PRICKLE2: variants seen among roughly 807,000 people sequenced by gnomAD.
PRICKLE2 encodes the protein prickle planar cell polarity protein 2, also known as prickle-like protein 2.
PRICKLE2 carries 21 observed loss-of-function variants against 81.4 expected under a neutral mutation model. That is an observed-to-expected ratio of 0.26 (90% CI 0.18 to 0.37). The LOEUF is 0.37. Among genes scored for constraint, PRICKLE2 ranks in the 10% least tolerant of loss-of-function variants. PRICKLE2 has a pLI of 1.00. For synonymous variants in PRICKLE2, 456 were observed against 421.5 expected (o/e 1.08, Z -1.00); for missense variants, 940 against 1,109.0 (o/e 0.85, Z 2.16).
chr3:64,104,775 G>C (rs1398606684), intron 7 of PRICKLE2: 2 of 152,210 alleles, frequency 1.3e-5, no homozygotes, highest in Non-Finnish European at 2.9e-5. Context: ...GGTGGGACTG[G>C]AAATACTACC....
chr3:64,198,493 G>A (rs2078505436), intron 2 of PRICKLE2, among the ~76,000 whole-genome samples: 1 of 152,100 alleles, frequency 6.6e-6, no homozygotes. Flanking sequence ...AGAAATACAA[G>A]AGGCTGTATT....
At chr3:64,213,145 C>T (rs556589750) in intron 1 of PRICKLE2, among the ~76,000 whole-genome samples, 57 of 149,754 alleles carry the variant, frequency 3.8e-4, no homozygotes, top group Non-Finnish European at 5.8e-4. Context: ...GGCGCAATCT[C>T]GGCTCACTGC....
At chr3:64,114,495 G>A (rs1317764596) in intron 7 of PRICKLE2, among the ~76,000 whole-genome samples, 2 of 152,086 alleles carry the variant, frequency 1.3e-5, no homozygotes, top group Admixed American at 6.5e-5. Context: ...TGCAGGAGCT[G>A]ACAGACAAAA....
intron 1 of PRICKLE2, among the ~76,000 whole-genome samples, chr3:64,210,501 G>A (rs1282598179): frequency 6.6e-6 from 1 of 152,154 alleles, no homozygotes; most frequent in Non-Finnish European, 1.5e-5. Flanking sequence ...AGACCACACT[G>A]CCTGGTCCTA....
chr3:64,094,222 T>C lies in PRICKLE2; in HGVS notation c.*4829A>G, dbSNP rs1309263081. 2 of 152,236 alleles carry C rather than the reference T, an allele frequency of 1.3e-5. No individual in the cohort carries two copies. The highest frequency in any genetic ancestry group is 2.4e-5 in the African/African-American group (1 of 41,462). The allele number at this position is 152,236 out of a possible 1,614,324, so 9.4% of individuals were successfully genotyped here. On this transcript the variant is annotated 3_prime_UTR_variant, in exon 8 of 8. Transcript: ENST00000638394. ...AATTAATTAAAAAATGGAGGACTCA[T>C]AGTCCTTACAATGTTAAGTCAGGGT...
intron 4 of PRICKLE2, among the ~76,000 whole-genome samples, chr3:64,158,746 G>A (rs770477688): frequency 6.6e-6 from 1 of 152,090 alleles, no homozygotes; most frequent in Non-Finnish European, 1.5e-5. Flanking sequence ...TTAAGGGTGG[G>A]TCCCAGATAT....
At chr3:64,149,127 C>T (rs117917289) in intron 6 of PRICKLE2, among the ~76,000 whole-genome samples, 387 of 152,262 alleles carry the variant, frequency 2.5e-3, no homozygotes, top group East Asian at 0.018. Context: ...GGCCACACTG[C>T]GTACTAAGGG....
chr3:64,192,040 C>A (rs1300410449), intron 2 of PRICKLE2, among the ~76,000 whole-genome samples: 2 of 152,246 alleles, frequency 1.3e-5, no homozygotes, highest in Non-Finnish European at 2.9e-5. Context: ...GCAACCTAAG[C>A]AAACTCTGAA....
chr3:64,118,722 C>CAA (rs35091419), intron 7 of PRICKLE2, among the ~76,000 whole-genome samples: 11 of 151,348 alleles, frequency 7.3e-5, no homozygotes, highest in Admixed American at 3.3e-4. Context: ...CTTAAAAAGG[C>CAA]AAAAAAAATA....
intron 2 of PRICKLE2, among the ~76,000 whole-genome samples, chr3:64,167,377 C>T (rs1268599176): frequency 6.6e-6 from 1 of 152,096 alleles, no homozygotes; most frequent in Non-Finnish European, 1.5e-5. Flanking sequence ...ATAAAGGTGC[C>T]CTGTGATTCC....
chr3:64,257,084 C>T (rs1007679985), intron 2 of PRICKLE2, among the ~76,000 whole-genome samples: 1 of 152,180 alleles, frequency 6.6e-6, no homozygotes, highest in African/African-American at 2.4e-5. Flanking sequence ...TTCAACACAT[C>T]ATAGTAATGC....
intron 5 of PRICKLE2, chr3:64,154,496 A>C (rs2107028925): frequency 6.6e-6 from 1 of 152,212 alleles, no homozygotes; most frequent in South Asian, 2.1e-4. Context: ...CAGTGAGCTG[A>C]GATCGTGCCA....
At position 64,094,310 on chromosome 3, in the gene PRICKLE2, A is replaced by G. The variant is rs1216392646; in HGVS notation, c.*4741T>C. The G allele has an allele frequency of 1.3e-5, 2 of 152,254 alleles. No individual in the cohort carries two copies. The highest frequency in any genetic ancestry group is 4.8e-5 in the African/African-American group (2 of 41,464). 9.4% of individuals were successfully genotyped at this position (152,254 alleles called of 1,614,324 possible). A position where few individuals can be genotyped will look rare whatever the true frequency, so the allele number is the denominator to read the frequency against. On this transcript the variant is annotated 3_prime_UTR_variant, in exon 8 of 8. Transcript: ENST00000638394. The stretch of plus-strand genomic sequence containing the variant: ...AAATCAACTAGGTAGGTTTAAGAAC[A>G]GACCTTACTGGTAAGTAACTCTCTC...
intron 2 of PRICKLE2, among the ~76,000 whole-genome samples, chr3:64,264,102 G>C (rs17723228): frequency 0.16 from 23,906 of 151,386 alleles, 2,635 homozygotes; most frequent in Non-Finnish European, 0.22. Flanking sequence ...GCAAATGCTT[G>C]AGAGCACAGG....
rs1452643680 is a variant in PRICKLE2, at chr3:64,259,306, TTTTATCTC to T, written c.129-60347_129-60340del. On this transcript the variant is annotated intron_variant, in intron 2 of 8. Coordinates refer to the PRICKLE2 transcript ENST00000295902. ...TCACTTGTGCTAAGTGCACCACAAGTTTTATCTCATTTAATTTTATAATACGCCTAGGA... is the reference window on the plus strand; with the variant it reads ...TCACTTGTGCTAAGTGCACCACAAGTATTTAATTTTATAATACGCCTAGGA... 2.0e-4 allele frequency among the ~76,000 whole-genome samples: 30 copies of T among 152,174 alleles called. 1 individual carries two copies. Among genetic ancestry groups the T allele is most frequent in the Admixed American group, 1.0e-3 (16 of 15,296 alleles).
chr3:64,254,328 C>T (rs1215261952), intron 2 of PRICKLE2, among the ~76,000 whole-genome samples: 2 of 152,128 alleles, frequency 1.3e-5, no homozygotes, highest in Non-Finnish European at 2.9e-5. Context: ...AGCAACAACT[C>T]AATACCAGAG....
upstream of PRICKLE2, among the ~76,000 whole-genome samples, chr3:64,229,330 T>C (rs1249215637): frequency 1.3e-5 from 2 of 152,074 alleles, no homozygotes; most frequent in Non-Finnish European, 2.9e-5. Flanking sequence ...TCTCTACTGG[T>C]CAGGTTACAG....
At chr3:64,163,450 T>G (rs39709) in intron 2 of PRICKLE2, 244,807 of 410,624 alleles carry the variant, frequency 0.6, 74,472 homozygotes, top group East Asian at 0.78. Flanking sequence ...CAGACTCCCC[T>G]GAGAGCTGGC....
chr3:64,224,767 G>A (rs1031615799), intron 1 of PRICKLE2, 143 bp downstream of exon 1: 1 of 272,518 alleles, frequency 3.7e-6, no homozygotes, highest in Admixed American at 6.5e-5. Context: ...AGGGGTCGCA[G>A]GGCCACCAAA....
Sources: allele counts gnomAD v4.1 joint callset (sites outside exome capture counted in the v4.1 genomes callset), GRCh38; gene constraint gnomAD v4.1.1; transcripts MANE v1.5; gene names NCBI Gene and HGNC (gene_info 2026-07-23, HGNC 2026-07-21).